CAMSAP1: variants seen among roughly 807,000 people sequenced by gnomAD.
CAMSAP1 encodes calmodulin regulated spectrin associated protein 1.
CAMSAP1 carries 58 observed loss-of-function variants against 143.5 expected under a neutral mutation model. That is an observed-to-expected ratio of 0.40 (90% CI 0.33 to 0.50). The LOEUF is 0.50. CAMSAP1 is among the 20% of genes least tolerant of loss of function. The pLI, the probability that CAMSAP1 is intolerant of heterozygous loss-of-function variation, is 0.45. For missense variants in CAMSAP1, 1,969 were observed against 2,115.7 expected, an observed-to-expected ratio of 0.93 and a Z score of 1.36; for synonymous variants, 945 against 859.3, an observed-to-expected ratio of 1.10 and a Z score of -1.74.
intron 5 of CAMSAP1, among the ~76,000 whole-genome samples, chr9:135,859,154 ATG>A (rs1439042215): frequency 6.6e-6 from 1 of 152,236 alleles, no homozygotes; most frequent in Non-Finnish European, 1.5e-5. Context: ...ACTGTGGAGA[ATG>A]TACTGATTCT....
intron 5 of CAMSAP1, among the ~76,000 whole-genome samples, chr9:135,858,686 C>T (rs925607253): frequency 6.6e-6 from 1 of 152,232 alleles, no homozygotes; most frequent in African/African-American, 2.4e-5. Flanking sequence ...CATCTGCAAG[C>T]TAGTGAATCA....
At chr9:135,860,597 CAAAAA>C (rs35415924) in intron 5 of CAMSAP1, among the ~76,000 whole-genome samples, 1 of 62,050 alleles carries the variant, frequency 1.6e-5, no homozygotes, top group African/African-American at 6.4e-5. Context: ...GACTCTGCCT[CAAAAA>C]AAAAAAAAAA....
chr9:135,811,020 T>C lies in CAMSAP1; in HGVS notation c.*289A>G, dbSNP rs117695618. On this transcript the variant is annotated 3_prime_UTR_variant, in exon 17 of 17. Coordinates refer to ENST00000389532, the MANE Select transcript of CAMSAP1 (RefSeq NM_015447.4). This position sits in a 1 kb window ranked among gnomAD's most constrained non-coding sequence, Gnocchi z 4.9. The stretch of plus-strand genomic sequence containing the variant: ...GGACCTGGCTGTGAACACCCTCCGC[T>C]GGGAGCCTCAGTGGTCAGCAGTGGC... 852 of 430,192 alleles carry C rather than the reference T, an allele frequency of 2.0e-3. 22 individuals carry two copies. In the East Asian group the frequency reaches 0.031, roughly 16 times the overall value. 26.6% of individuals were successfully genotyped at this position (430,192 alleles called of 1,614,324 possible). A position where few individuals can be genotyped will look rare whatever the true frequency, so the allele number is the denominator to read the frequency against.
chr9:135,822,434 C>A lies in CAMSAP1; in HGVS notation c.2227G>T (p.Val743Leu). The change falls in exon 11 of 17, where the codon GTG (valine) becomes TTG (leucine). Residue 743 changes from valine to leucine, a missense_variant. By Grantham distance (32) the Val-to-Leu change is conservative. Transcript: ENST00000389532. This position sits in a 1 kb window ranked among gnomAD's most constrained non-coding sequence, Gnocchi z 6.1. ...LLRQDSDSDV[V>L]DIEEAEHDFM... ...TCGTGCTCGGCTTCCTCTATGTCCA[C>A]CACATCCGAGTCAGAATCCTGCCTG... 1 of 1,614,026 alleles carries A rather than the reference C, an allele frequency of 6.2e-7. No homozygotes were observed. The highest frequency in any genetic ancestry group is 8.5e-7 in the Non-Finnish European group (1 of 1,179,906).
In CAMSAP1 at chr9:135,882,699, G is replaced by A. The variant is rs745727293; in HGVS notation, c.423+117C>T. 645 of 1,231,112 alleles carry A rather than the reference G, an allele frequency of 5.2e-4. 2 individuals carry two copies. Among genetic ancestry groups the A allele is most frequent in the African/African-American group, 2.5e-3 (167 of 65,966 alleles). 76.3% of individuals were successfully genotyped at this position (1,231,112 alleles called of 1,614,324 possible). A position where few individuals can be genotyped will look rare whatever the true frequency, so the allele number is the denominator to read the frequency against. On this transcript the variant is annotated intron_variant, in intron 2 of 16. Coordinates refer to ENST00000389532, the MANE Select transcript of CAMSAP1 (RefSeq NM_015447.4). The surrounding 1 kb of genome is among the most constrained non-coding windows in gnomAD (Gnocchi z 4.9). ...AAGGAACGCCAGTGTGCAAAAGCACGGGTCTCCACCACCTCGCCGCACACC... is the reference window on the plus strand; with the variant it reads ...AAGGAACGCCAGTGTGCAAAAGCACAGGTCTCCACCACCTCGCCGCACACC...
At chr9:135,896,064 T>C (rs1453657568) in intron 1 of CAMSAP1, among the ~76,000 whole-genome samples, 1 of 152,212 alleles carries the variant, frequency 6.6e-6, no homozygotes, top group Non-Finnish European at 1.5e-5. Context: ...AACAATATAA[T>C]GTTATTAGTA....
At chr9:135,838,590 G>A (rs1042373615) in intron 7 of CAMSAP1, among the ~76,000 whole-genome samples, 6 of 141,120 alleles carry the variant, frequency 4.3e-5, no homozygotes, top group Middle Eastern at 5.1e-3. Flanking sequence ...ACATCATCAC[G>A]CACTTTCTAC....
intron 3 of CAMSAP1, among the ~76,000 whole-genome samples, chr9:135,877,555 T>A (rs1837796393): frequency 6.7e-6 from 1 of 150,372 alleles, no homozygotes; most frequent in Admixed American, 6.6e-5. Flanking sequence ...TCTGTAATCC[T>A]ACCATTTTGG....
chr9:135,906,634 G>C (rs1838785908), intron 1 of CAMSAP1, among the ~76,000 whole-genome samples: 13 of 152,204 alleles, frequency 8.5e-5, no homozygotes, highest in Admixed American at 8.5e-4. Context: ...CGGCGCGCCG[G>C]GAAGCGGCGC....
chr9:135,814,393 T>C (rs966869112), intron 16 of CAMSAP1, among the ~76,000 whole-genome samples: 2 of 152,210 alleles, frequency 1.3e-5, no homozygotes, highest in East Asian at 1.9e-4. Flanking sequence ...CAAGCCGTTG[T>C]ATCCCAAGGC....
At chr9:135,880,404 C>T (rs1359303998) in intron 3 of CAMSAP1, among the ~76,000 whole-genome samples, 1 of 152,056 alleles carries the variant, frequency 6.6e-6, no homozygotes, top group Admixed American at 6.5e-5. Flanking sequence ...TGAACTAGGG[C>T]CCGGAGGCTC....
chr9:135,836,672 G>A, intron 7 of CAMSAP1: 11 of 962,974 alleles, frequency 1.1e-5, no homozygotes, highest in Non-Finnish European at 1.3e-5. Flanking sequence ...CCGTTCTACA[G>A]ACACACGTCA....
chr9:135,850,596 T>C, intron 5 of CAMSAP1, 135 bp from the exon 6 acceptor site: 2 of 678,222 alleles, frequency 2.9e-6, no homozygotes, highest in Non-Finnish European at 4.7e-6. Context: ...GTAGGGAGTA[T>C]AGGATGTACA....
At chr9:135,857,528 T>C (rs1837022063) in intron 5 of CAMSAP1, among the ~76,000 whole-genome samples, 1 of 152,202 alleles carries the variant, frequency 6.6e-6, no homozygotes, top group South Asian at 2.1e-4. Flanking sequence ...CAGACATTGT[T>C]TCCCAGAGTC....
rs775667487 is a variant in CAMSAP1, at chr9:135,811,353, G to A, written c.4765C>T (p.Pro1589Ser). 2 of 1,613,106 alleles carry A rather than the reference G, an allele frequency of 1.2e-6. No individual in the cohort carries two copies. The highest frequency in any genetic ancestry group is 1.7e-5 in the Admixed American group (1 of 59,914). Residue 1589 changes from proline to serine, a missense_variant, in exon 17 of 17, where the codon CCC becomes TCC. Physicochemically the swap from Pro to Ser is moderately conservative, Grantham distance 74 (BLOSUM62 -1). This residue lies in a region of CAMSAP1 where 143 missense variants were observed against 200.6 expected (regional missense o/e 0.71). Coordinates refer to ENST00000389532, the MANE Select transcript of CAMSAP1 (RefSeq NM_015447.4). The surrounding 1 kb of genome is among the most constrained non-coding windows in gnomAD (Gnocchi z 4.9). ...ALTIHNHLWQ[P>S]KRPAVPKKAQ... Reference sequence around the variant, plus strand: ...TTCTTTGGCACTGCAGGCCGCTTGGGCTGCCACAGGTGGTTGTGGATTGTG... The same window carrying A: ...TTCTTTGGCACTGCAGGCCGCTTGGACTGCCACAGGTGGTTGTGGATTGTG...
chr9:135,820,303 T>TC lies in CAMSAP1; in HGVS notation c.3822+535dup, dbSNP rs1327914613. ...TTATCATCTTAGGAGACAACGAACGTCACAGCAAACATCATGTGACGCACT... is the reference window on the plus strand; with the variant it reads ...TTATCATCTTAGGAGACAACGAACGTCCACAGCAAACATCATGTGACGCACT... On this transcript the variant is annotated intron_variant, in intron 11 of 16. Coordinates refer to ENST00000389532, the MANE Select transcript of CAMSAP1 (RefSeq NM_015447.4). This position sits in a 1 kb window ranked among gnomAD's most constrained non-coding sequence, Gnocchi z 4.4. Among the ~76,000 whole-genome samples the TC allele has an allele frequency of 4.6e-5, 7 of 152,328 alleles. No homozygotes were observed. The highest frequency in any genetic ancestry group is 6.5e-5 in the Admixed American group (1 of 15,298).
intron 1 of CAMSAP1, among the ~76,000 whole-genome samples, chr9:135,904,246 CAA>C (rs1250878636): frequency 6.6e-6 from 1 of 151,796 alleles, no homozygotes; most frequent in East Asian, 1.9e-4. Flanking sequence ...ACAAAAAATA[CAA>C]AAGTTAGCCA....
chr9:135,820,931 G>A lies in CAMSAP1; in HGVS notation c.3730C>T (p.Pro1244Ser), dbSNP rs768810915. ...CTTACCAGCTCCCCATCCTCGTCGG[G>A]GGCCTTCAGGTCGGAGAGGTCCACT... The part of the protein sequence containing the change: ...IEVDLSDLKA[P>S]DEDGELVSLD... The change falls in exon 11 of 17, where the codon CCC becomes TCC. Residue 1244 changes from proline (P) to serine (S), a missense_variant. Around this residue, in one of 4 missense-constraint regions of CAMSAP1, gnomAD observed 1,390 missense variants for 1,420.8 expected, o/e 0.98. Coordinates refer to ENST00000389532, the MANE Select transcript of CAMSAP1 (RefSeq NM_015447.4). The surrounding 1 kb of genome is among the most constrained non-coding windows in gnomAD (Gnocchi z 4.4). 5 of 1,613,618 alleles carry A rather than the reference G, an allele frequency of 3.1e-6. No individual in the cohort carries two copies. The East Asian group carries it at 6.7e-5, about 22-fold the overall frequency.
In CAMSAP1 at chr9:135,822,622, C is replaced by T; in HGVS notation, c.2039G>A (p.Gly680Asp). Reference sequence around the variant, plus strand: ...GAATCCGCCAAGGGCCAGAGGCCCACCACAGACCTCTCCTGCGGTTTCCAC... The same window carrying T: ...GAATCCGCCAAGGGCCAGAGGCCCATCACAGACCTCTCCTGCGGTTTCCAC... The part of the protein sequence containing the change: ...LSVETAGEVC[G>D]GPLALGGFDP... The change falls in exon 11 of 17, where the codon GGT (glycine) becomes GAT (aspartate). Residue 680 changes from glycine (G) to aspartate (D), a missense_variant. Gly to Asp is a moderately conservative substitution (Grantham distance 94). This residue lies in a region of CAMSAP1 where 1,390 missense variants were observed against 1,420.8 expected (regional missense o/e 0.98). Transcript: ENST00000389532. This position sits in a 1 kb window ranked among gnomAD's most constrained non-coding sequence, Gnocchi z 6.1. 6.2e-7 allele frequency: 1 copy of T among 1,612,532 alleles called. No individual in the cohort carries two copies. The highest frequency in any genetic ancestry group is 8.5e-7 in the Non-Finnish European group (1 of 1,179,192).
Sources: allele counts gnomAD v4.1 joint callset (sites outside exome capture counted in the v4.1 genomes callset), GRCh38; gene constraint gnomAD v4.1.1; regional missense constraint gnomAD v4.1.1; non-coding constraint Gnocchi (gnomAD v3.1); transcripts MANE v1.5; gene names NCBI Gene and HGNC (gene_info 2026-07-23, HGNC 2026-07-21).